Variants in ACACA observed in about 807,000 individuals in gnomAD.
ACACA encodes acetyl-CoA carboxylase alpha.
A neutral mutation model predicts 296.1 loss-of-function variants in ACACA; 103 were observed. That is an observed-to-expected ratio of 0.35 (90% CI 0.30 to 0.41). ACACA has a LOEUF of 0.41. ACACA is among the 10% of genes least tolerant of loss of function. The pLI is 1.00. For synonymous variants in ACACA, 953 were observed against 1,038.6 expected (o/e 0.92, Z 1.58); for missense variants, 1,554 against 2,989.7 (o/e 0.52, Z 11.20).
chr17:37,359,225 T>G (rs2049295695), intron 1 of ACACA: 51 of 825,898 alleles, frequency 6.2e-5, no homozygotes, highest in Non-Finnish European at 6.6e-5. Flanking sequence ...CGTCCGGGGT[T>G]ACTCCAGGCC....
chr17:37,087,349 C>T lies in ACACA; in HGVS notation c.7119G>A (p.Arg2373=). The part of the protein sequence containing the change: ...ISPTQRAEVI[R]ILSTMDSPST ...AAGGGGAATCCATTGTGGAGAGGATCCGTATGACTTCTGCTCGCTGAGTGG... is the reference window on the plus strand; with the variant it reads ...AAGGGGAATCCATTGTGGAGAGGATTCGTATGACTTCTGCTCGCTGAGTGG... The change falls in exon 56 of 56, where the codon CGG becomes CGA. Residue 2373 remains arginine (R), a synonymous_variant. Transcript: ENST00000616317. The T allele has an allele frequency of 6.2e-7, 1 of 1,614,060 alleles. No homozygotes were observed. The highest frequency in any genetic ancestry group is 1.1e-5 in the South Asian group (1 of 91,076).
rs533250864 is a variant in ACACA at position 37,195,019 on chromosome 17, T to C, written c.4159-1604A>G. ...CATTCAGCTGAGGTGTCGATAAATA[T>C]CATGCTCATGGTTTTATATAACCTA... On this transcript the variant is annotated intron_variant, in intron 35 of 55. Coordinates refer to ENST00000616317, the MANE Select transcript of ACACA (RefSeq NM_198834.3). Among the ~76,000 whole-genome samples, 12 of 151,922 alleles carry C rather than the reference T, an allele frequency of 7.9e-5. No individual in the cohort carries two copies. The East Asian group carries it at 2.3e-3, about 29-fold the overall frequency.
chr17:37,208,912 C>T (rs947488564), intron 30 of ACACA, among the ~76,000 whole-genome samples: 13 of 152,164 alleles, frequency 8.5e-5, no homozygotes, highest in East Asian at 1.9e-4. Context: ...ACACCACCTG[C>T]GGTGTTGCAG....
In ACACA at chr17:37,226,331, G is replaced by A; in HGVS notation, c.3360+8C>T. The A allele has an allele frequency of 2.5e-6, 4 of 1,607,792 alleles. No homozygotes were observed. The South Asian group carries it at 3.3e-5, about 13-fold the overall frequency. On this transcript the variant is annotated splice_region_variant and intron_variant, in intron 26 of 55. Transcript: ENST00000616317. ...CCCTCCTTTAAGAAAACCAACAAAT[G>A]TCCTTACCTGGCGTGCTCGAAGTGC...
chr17:37,169,173 A>G (rs1395333752), intron 41 of ACACA, among the ~76,000 whole-genome samples: 1 of 152,228 alleles, frequency 6.6e-6, no homozygotes, highest in South Asian at 2.1e-4. Flanking sequence ...AAGACATACA[A>G]CACAATAATC....
At chr17:37,092,683 G>A (rs1342880427) in intron 54 of ACACA, among the ~76,000 whole-genome samples, 1 of 152,160 alleles carries the variant, frequency 6.6e-6, no homozygotes, top group Non-Finnish European at 1.5e-5. Context: ...CAACCTGATG[G>A]ATGTGAGCCC....
rs142315600 is a variant in ACACA at position 37,167,576 on chromosome 17, C to T, written c.5080-5526G>A. Reference sequence around the variant, plus strand: ...TCAGGTGATCCACCTGCCTCGGCCTCCCAAAGTGCTGGGATAGCAGGCACG... The same window carrying T: ...TCAGGTGATCCACCTGCCTCGGCCTTCCAAAGTGCTGGGATAGCAGGCACG... On this transcript the variant is annotated intron_variant, in intron 41 of 55. Transcript: ENST00000616317. 9.4e-3 allele frequency among the ~76,000 whole-genome samples: 1,427 copies of T among 151,948 alleles called. 8 individuals carry two copies. Among genetic ancestry groups the T allele is most frequent in the Non-Finnish European group, 0.013 (892 of 67,940 alleles).
intron 1 of ACACA, among the ~76,000 whole-genome samples, chr17:37,401,888 G>A (rs2051304696): frequency 6.6e-6 from 1 of 152,120 alleles, no homozygotes; most frequent in African/African-American, 2.4e-5. Context: ...TCTAACCACA[G>A]CAGCTTAGCA....
chr17:37,393,616 G>C (rs1568100829), intron 1 of ACACA, among the ~76,000 whole-genome samples: 1 of 152,212 alleles, frequency 6.6e-6, no homozygotes, highest in East Asian at 1.9e-4. Flanking sequence ...GCCGAGGTGG[G>C]CAGATGGCTT....
intron 54 of ACACA, among the ~76,000 whole-genome samples, chr17:37,090,154 G>C (rs1461832400): frequency 6.6e-6 from 1 of 152,216 alleles, no homozygotes; most frequent in Non-Finnish European, 1.5e-5. Flanking sequence ...AGCCACAGCT[G>C]TGACTACTGG....
intron 40 of ACACA, 149 bp downstream of exon 40, chr17:37,181,052 C>T: frequency 1.2e-6 from 1 of 858,596 alleles, no homozygotes. Context: ...TGGCAGTCAC[C>T]AATCCTCAAA....
At chr17:37,122,780 A>T (rs2074591252) in intron 48 of ACACA, 153 bp from the exon 49 acceptor site, 1 of 724,004 alleles carries the variant, frequency 1.4e-6, no homozygotes, top group African/African-American at 1.7e-5. Flanking sequence ...TAAATGTGAG[A>T]CTCTACGGAT....
intron 1 of ACACA, among the ~76,000 whole-genome samples, chr17:37,341,137 T>C (rs1038363086): frequency 1.3e-5 from 2 of 152,222 alleles, no homozygotes; most frequent in African/African-American, 4.8e-5. Flanking sequence ...ATGGGACTGC[T>C]GTGAAAACTA....
chr17:37,126,882 A>C (rs1174873787), intron 47 of ACACA, among the ~76,000 whole-genome samples: 1 of 152,206 alleles, frequency 6.6e-6, no homozygotes, highest in African/African-American at 2.4e-5. Flanking sequence ...AGTTTGAAGA[A>C]TATCACAGCA....
chr17:37,302,150 T>A (rs1005766445), intron 3 of ACACA, among the ~76,000 whole-genome samples: 3 of 151,076 alleles, frequency 2.0e-5, no homozygotes, highest in African/African-American at 7.3e-5. Context: ...TAATTTTTTG[T>A]ATTTTTATTA....
At chr17:37,362,990 AC>A (rs1203569796) in intron 1 of ACACA, among the ~76,000 whole-genome samples, 23 of 148,158 alleles carry the variant, frequency 1.6e-4, no homozygotes, top group African/African-American at 3.7e-4. Flanking sequence ...AAAAAAAAAA[AC>A]AAAACCACCA....
At chr17:37,305,407 T>C (rs1339374242) in intron 3 of ACACA, among the ~76,000 whole-genome samples, 1 of 152,166 alleles carries the variant, frequency 6.6e-6, no homozygotes, top group African/African-American at 2.4e-5. Context: ...TTTTGAGGAG[T>C]CACCCCTATG....
chr17:37,155,054 C>T (rs2076184880), intron 43 of ACACA, among the ~76,000 whole-genome samples: 1 of 152,072 alleles, frequency 6.6e-6, no homozygotes, highest in African/African-American at 2.4e-5. Context: ...GACTTTTCGA[C>T]CTGCAATTTC....
intron 52 of ACACA, among the ~76,000 whole-genome samples, chr17:37,106,488 C>T (rs564656226): frequency 6.6e-6 from 1 of 152,138 alleles, no homozygotes; most frequent in African/African-American, 2.4e-5. Flanking sequence ...AAGTTCCCTG[C>T]AACAGTGTTA....
Sources: allele counts gnomAD v4.1 joint callset (sites outside exome capture counted in the v4.1 genomes callset), GRCh38; gene constraint gnomAD v4.1.1; transcripts MANE v1.5; gene names NCBI Gene and HGNC (gene_info 2026-07-23, HGNC 2026-07-21).